Variants in PRKCH observed in about 807,000 individuals in gnomAD.
PRKCH encodes protein kinase C eta.
A neutral mutation model predicts 82.5 loss-of-function variants in PRKCH; 28 were observed. The ratio of observed to expected loss-of-function variants is 0.34; its 90% CI spans 0.25 to 0.47. The LOEUF (loss-of-function observed/expected upper bound fraction) is 0.47, where lower values mean the gene tolerates loss of function less well. PRKCH is among the 20% of genes least tolerant of loss of function. The probability of loss-of-function intolerance (pLI) is 1.00; values close to 1 mark genes in which losing one functional copy is unlikely to be tolerated. For missense variants in PRKCH, 705 were observed against 881.8 expected, an observed-to-expected ratio of 0.80 and a Z score of 2.54; for synonymous variants, 322 against 327.4, an observed-to-expected ratio of 0.98 and a Z score of 0.18.
At chr14:61,525,359 G>A (rs1025347966) in intron 10 of PRKCH, 8 of 152,148 alleles carry the variant, frequency 5.3e-5, no homozygotes, top group South Asian at 2.1e-4. Context: ...CAGCCATGGC[G>A]TTTCCTTTAC....
intron 9 of PRKCH, among the ~76,000 whole-genome samples, chr14:61,471,242 A>G (rs1885489402): frequency 8.4e-6 from 1 of 119,596 alleles, no homozygotes; most frequent in South Asian, 3.0e-4. Flanking sequence ...CTAAGGAGGT[A>G]CACCTGATAG....
intron 1 of PRKCH, among the ~76,000 whole-genome samples, chr14:61,246,015 C>G (rs955795657): frequency 2.6e-5 from 4 of 152,118 alleles, no homozygotes; most frequent in Non-Finnish European, 4.4e-5. Flanking sequence ...TGATATAAGA[C>G]CCTCTTTAGG....
At chr14:61,433,033 C>G (rs566125199) in intron 2 of PRKCH, among the ~76,000 whole-genome samples, 37 of 90,232 alleles carry the variant, frequency 4.1e-4, no homozygotes, top group African/African-American at 1.8e-3. Context: ...CCCTCACCCC[C>G]CAACCTCTTC....
chr14:61,437,462 T>A (rs1034491707), intron 2 of PRKCH, among the ~76,000 whole-genome samples: 1 of 152,212 alleles, frequency 6.6e-6, no homozygotes, highest in African/African-American at 2.4e-5. Flanking sequence ...GTACAAATGA[T>A]AAAACAAATT....
chr14:61,316,431 G>A (rs541459172), intron 1 of PRKCH, among the ~76,000 whole-genome samples: 1 of 152,202 alleles, frequency 6.6e-6, no homozygotes, highest in Non-Finnish European at 1.5e-5. Context: ...GAAGTCTAAA[G>A]TTATAGTGTG....
At chr14:61,192,753 T>G (rs938480223) in intron 1 of PRKCH, among the ~76,000 whole-genome samples, 1 of 152,194 alleles carries the variant, frequency 6.6e-6, no homozygotes, top group African/African-American at 2.4e-5. Context: ...GCCAACCAAA[T>G]GTTGATAAGG....
Position 61,450,924 on chromosome 14 carries a change from G to A in PRKCH, c.785G>A (p.Cys262Tyr). Reference protein sequence around the residue: ...NYKVPTFCDHCGSLLWGIMRQ... With the variant: ...NYKVPTFCDHYGSLLWGIMRQ... ...AAAGTGCCAACATTCTGCGATCACT[G>A]TGGCTCACTGCTCTGGGGAATAATG... Residue 262 changes from cysteine (C) to tyrosine (Y), a missense_variant, in exon 6 of 14, where the codon TGT (cysteine) becomes TAT (tyrosine). Cys to Tyr is a radical substitution (Grantham distance 194). Coordinates refer to ENST00000332981, the MANE Select transcript of PRKCH (RefSeq NM_006255.5). The A allele has an allele frequency of 6.2e-7, 1 of 1,614,146 alleles. No homozygotes were observed. Among genetic ancestry groups the A allele is most frequent in the Non-Finnish European group, 8.5e-7 (1 of 1,180,014 alleles).
At position 61,449,330 on chromosome 14, in the gene PRKCH, C is replaced by A. The variant is rs965249797; in HGVS notation, c.702+78C>A. ...TGTACCGCCGTCTCTCTCCCTCCCT[C>A]CCTCCTTTCCTCCCCCTCTTTTCCT... On this transcript the variant is annotated intron_variant, in intron 5 of 13. Transcript: ENST00000332981. 4.1e-6 allele frequency: 5 copies of A among 1,214,160 alleles called. No individual in the cohort carries two copies. In the East Asian group the frequency reaches 1.3e-4, roughly 31 times the overall value. 75.2% of individuals were successfully genotyped at this position (1,214,160 alleles called of 1,614,324 possible).
At chr14:61,320,645 G>A (rs2045605668), upstream of PRKCH, among the ~76,000 whole-genome samples, 1 of 152,002 alleles carries the variant, frequency 6.6e-6, no homozygotes, top group African/African-American at 2.4e-5. Context: ...TAGGCTTTTT[G>A]GGGAACAAAT....
chr14:61,318,916 C>A (rs548430150), upstream of PRKCH, among the ~76,000 whole-genome samples: 4 of 152,328 alleles, frequency 2.6e-5, no homozygotes, highest in Admixed American at 2.6e-4. Flanking sequence ...TGGTCTTGAA[C>A]TCCTGGGCTC....
intron 9 of PRKCH, among the ~76,000 whole-genome samples, chr14:61,481,572 A>T (rs1566906206): frequency 1.3e-5 from 2 of 152,246 alleles, no homozygotes; most frequent in Non-Finnish European, 2.9e-5. Context: ...GATGAAAATA[A>T]GAAAAACATG....
intron 2 of PRKCH, among the ~76,000 whole-genome samples, chr14:61,419,623 G>A (rs1882729650): frequency 6.6e-6 from 1 of 152,188 alleles, no homozygotes; most frequent in Admixed American, 6.5e-5. Flanking sequence ...TTAGAACTCT[G>A]CCCAGGGTCC....
chr14:61,406,196 G>GAA (rs35265528), intron 2 of PRKCH, among the ~76,000 whole-genome samples: 3 of 149,528 alleles, frequency 2.0e-5, no homozygotes, highest in Admixed American at 6.6e-5. Context: ...ACACATACAG[G>GAA]AAAAAAAAAA....
In PRKCH at chr14:61,210,531, G is replaced by C. The variant is rs78332998; in HGVS notation, c.-19+22863G>C. Among the ~76,000 whole-genome samples, 852 of 152,190 alleles carry C rather than the reference G, an allele frequency of 5.6e-3. 22 individuals carry two copies. In the East Asian group the frequency reaches 0.086, roughly 15 times the overall value. ...TCACTCCCCTGAAGATTTTGATTCA[G>C]TAAGTCTGAACTGTGACTTTGGGAT... On this transcript the variant is annotated intron_variant, in intron 1 of 3. Coordinates refer to the PRKCH transcript ENST00000555185.
chr14:61,473,433 T>C (rs186929425), intron 9 of PRKCH, among the ~76,000 whole-genome samples: 95 of 152,288 alleles, frequency 6.2e-4, no homozygotes, highest in African/African-American at 2.2e-3. Context: ...GTGAGGATGC[T>C]GGGCCCGTGA....
At chr14:61,352,742 G>GAAAGA (rs1297768525) in intron 1 of PRKCH, among the ~76,000 whole-genome samples, 2 of 150,398 alleles carry the variant, frequency 1.3e-5, no homozygotes, top group South Asian at 4.3e-4. Context: ...AAGAAAGAAA[G>GAAAGA]ATGTCCTAGA....
chr14:61,304,049 C>A (rs1438361585), intron 1 of PRKCH: 1 of 151,830 alleles, frequency 6.6e-6, no homozygotes, highest in Non-Finnish European at 1.5e-5. Context: ...TCACTTGTGG[C>A]TACTGACTAC....
chr14:61,225,785 C>T (rs948433215), intron 1 of PRKCH, among the ~76,000 whole-genome samples: 1 of 151,104 alleles, frequency 6.6e-6, no homozygotes, highest in Non-Finnish European at 1.5e-5. Context: ...GTTGTGCAGG[C>T]TGGAGTGCAG....
intron 1 of PRKCH, among the ~76,000 whole-genome samples, chr14:61,383,286 T>A (rs918369750): frequency 2.0e-5 from 3 of 152,146 alleles, no homozygotes; most frequent in Non-Finnish European, 4.4e-5. Flanking sequence ...GAAATTGAGG[T>A]GGTCAGATGA....
Sources: allele counts gnomAD v4.1 joint callset (sites outside exome capture counted in the v4.1 genomes callset), GRCh38; gene constraint gnomAD v4.1.1; transcripts MANE v1.5; gene names NCBI Gene and HGNC (gene_info 2026-07-23, HGNC 2026-07-21).